The following RIMS2 variants were observed in gnomAD, a reference collection of about 807,000 sequenced individuals.
RIMS2 encodes the protein regulating synaptic membrane exocytosis protein 2.
RIMS2 carries 59 observed loss-of-function variants against 174.4 expected under a neutral mutation model. The observed-to-expected ratio is 0.34, with a 90% CI of 0.27 to 0.42. The LOEUF is 0.42. RIMS2 is among the 10% of genes least tolerant of loss of function. RIMS2 has a pLI of 1.00. For missense variants in RIMS2, 1,620 were observed against 1,666.3 expected (o/e 0.97, Z 0.48); for synonymous variants, 606 against 572.5 (o/e 1.06, Z -0.84).
intron 8 of RIMS2, 74 bp from the exon 12 acceptor site, chr8:103,918,367 T>A: frequency 2.3e-6 from 2 of 882,314 alleles, no homozygotes; most frequent in Admixed American, 4.9e-5. Context: ...AATAGGTTGA[T>A]AATAATAAAA....
intron 19 of RIMS2, among the ~76,000 whole-genome samples, chr8:104,089,862 C>A (rs2097606720): frequency 6.6e-6 from 1 of 151,264 alleles, no homozygotes; most frequent in Non-Finnish European, 1.5e-5. Context: ...ATATATTTTT[C>A]TCAAAAATTC....
chr8:103,900,989 A>G (rs957804689), intron 4 of RIMS2, among the ~76,000 whole-genome samples: 1 of 152,120 alleles, frequency 6.6e-6, no homozygotes, highest in Admixed American at 6.6e-5. Flanking sequence ...GCTGTGCTCA[A>G]TGATCTTCTC....
rs1363920802 is a variant in RIMS2 at position 103,927,445 on chromosome 8, ACTT to A, written c.2197-393_2197-391del. Among the ~76,000 whole-genome samples the A allele has an allele frequency of 2.6e-5, 4 of 151,396 alleles. No individual in the cohort carries two copies. In the South Asian group the frequency reaches 8.3e-4, roughly 31 times the overall value. On this transcript the variant is annotated intron_variant, in intron 10 of 23. Transcript: ENST00000504942. Reference sequence around the variant, plus strand: ...TGACTCTGTAATACATTTTCAACTAACTTCTTTTTGCACTATTCTATTTTTTAT... The same window carrying A: ...TGACTCTGTAATACATTTTCAACTAACTTTTTGCACTATTCTATTTTTTAT...
intron 3 of RIMS2, among the ~76,000 whole-genome samples, chr8:103,780,910 G>A (rs1490571292): frequency 6.6e-6 from 1 of 151,834 alleles, no homozygotes; most frequent in Non-Finnish European, 1.5e-5. Context: ...TAGTTTACCT[G>A]TTGATTTTTT....
chr8:104,164,748 T>G (rs2098786544), intron 19 of RIMS2, among the ~76,000 whole-genome samples: 1 of 152,038 alleles, frequency 6.6e-6, no homozygotes, highest in African/African-American at 2.4e-5. Context: ...GGAAGGTAAA[T>G]GATGAGGACT....
chr8:104,024,765 G>A (rs1049305021), intron 19 of RIMS2, among the ~76,000 whole-genome samples: 1 of 152,104 alleles, frequency 6.6e-6, no homozygotes, highest in African/African-American at 2.4e-5. Context: ...CTTATATAAA[G>A]TGTCTTAAGA....
intron 14 of RIMS2, among the ~76,000 whole-genome samples, chr8:103,960,003 C>G (rs973068587): frequency 6.6e-6 from 1 of 151,954 alleles, no homozygotes; most frequent in Non-Finnish European, 1.5e-5. Context: ...TAGCTAAGAT[C>G]AGAGCAGAAC....
chr8:103,968,641 C>T (rs1425829192), intron 15 of RIMS2, among the ~76,000 whole-genome samples: 2 of 151,916 alleles, frequency 1.3e-5, no homozygotes, highest in African/African-American at 4.8e-5. Context: ...TTCTTCCTCC[C>T]ACTTCTTGTA....
At chr8:103,581,847 T>A (rs1362655549) in intron 1 of RIMS2, among the ~76,000 whole-genome samples, 1 of 152,144 alleles carries the variant, frequency 6.6e-6, no homozygotes, top group African/African-American at 2.4e-5. Context: ...AAAGGCAGTG[T>A]AGGCCATAAG....
chr8:103,821,950 A>G (rs933113145), intron 3 of RIMS2, among the ~76,000 whole-genome samples: 5 of 151,662 alleles, frequency 3.3e-5, no homozygotes, highest in African/African-American at 1.2e-4. Flanking sequence ...AGCATCAATT[A>G]TATAACTATC....
intron 1 of RIMS2, among the ~76,000 whole-genome samples, chr8:103,619,614 T>C (rs1328431011): frequency 6.6e-6 from 1 of 151,930 alleles, no homozygotes; most frequent in Non-Finnish European, 1.5e-5. Flanking sequence ...AAATCAGAAC[T>C]ACAAAAAGGA....
intron 19 of RIMS2, among the ~76,000 whole-genome samples, chr8:104,239,099 A>C (rs2099273639): frequency 6.6e-6 from 1 of 152,198 alleles, no homozygotes; most frequent in African/African-American, 2.4e-5. Flanking sequence ...GGTCACCATG[A>C]CATTAAGTTT....
chr8:104,012,241 T>C (rs983979355), intron 17 of RIMS2, among the ~76,000 whole-genome samples: 10 of 151,990 alleles, frequency 6.6e-5, no homozygotes, highest in South Asian at 4.1e-4. Context: ...TCACAAGATA[T>C]GGTGTAGAAT....
chr8:103,578,096 AG>A (rs2093369797), intron 1 of RIMS2, among the ~76,000 whole-genome samples: 2 of 152,234 alleles, frequency 1.3e-5, no homozygotes, highest in African/African-American at 2.4e-5. Flanking sequence ...ACCTTGGAAA[AG>A]AAATAAATAT....
chr8:103,564,750 AG>A (rs1189856994), intron 1 of RIMS2, among the ~76,000 whole-genome samples: 1 of 152,194 alleles, frequency 6.6e-6, no homozygotes, highest in Non-Finnish European at 1.5e-5. Flanking sequence ...GTGCCCACCC[AG>A]ATTGAGGGTG....
intron 19 of RIMS2, among the ~76,000 whole-genome samples, chr8:104,169,304 C>CTATA (rs751636552): frequency 0.013 from 1,135 of 87,280 alleles, 11 homozygotes; most frequent in Non-Finnish European, 0.019. Context: ...TTGTTGTTGG[C>CTATA]TATATATATA....
chr8:103,516,495 T>C (rs1216124541), intron 1 of RIMS2, among the ~76,000 whole-genome samples: 1 of 152,072 alleles, frequency 6.6e-6, no homozygotes, highest in Non-Finnish European at 1.5e-5. Flanking sequence ...CACGAATGAC[T>C]CTCTTGGTAA....
chr8:103,694,673 G>C (rs2137192636), intron 1 of RIMS2, among the ~76,000 whole-genome samples: 1 of 152,138 alleles, frequency 6.6e-6, no homozygotes, highest in South Asian at 2.1e-4. Context: ...GGCTACGGGG[G>C]CTGGTTTGGT....
chr8:103,513,223 T>C (rs749175139), intron 1 of RIMS2, among the ~76,000 whole-genome samples: 5 of 152,166 alleles, frequency 3.3e-5, no homozygotes, highest in Admixed American at 6.5e-5. Context: ...TATGCCTCTA[T>C]AGGATTTTTT....
Sources: gnomAD v4.1 joint callset for allele counts (sites outside exome capture counted in the v4.1 genomes callset) on GRCh38, gnomAD v4.1.1 for gene constraint, MANE v1.5 for transcripts, NCBI Gene and HGNC (gene_info 2026-07-23, HGNC 2026-07-21) for gene names.